The following POLD2 variants were observed in gnomAD, a reference collection of about 807,000 sequenced individuals.
The protein encoded by POLD2 is DNA polymerase delta subunit 2.
A neutral mutation model predicts 48.8 loss-of-function variants in POLD2; 31 were observed. That is an observed-to-expected ratio of 0.64 (90% CI 0.48 to 0.86). POLD2 has a LOEUF of 0.86. POLD2 is among the 40% of genes least tolerant of loss of function. The pLI is 0.00. For synonymous variants in POLD2, 233 were observed against 256.3 expected (o/e 0.91, Z 0.87); for missense variants, 455 against 610.1 (o/e 0.75, Z 2.68).
chr7:44,115,672 G>A, intron 9 of POLD2, 94 bp downstream of exon 9: 3 of 1,367,880 alleles, frequency 2.2e-6, no homozygotes, highest in Non-Finnish European at 2.0e-6. Flanking sequence ...AGCAATGCTG[G>A]CAAGTGCAAA....
chr7:44,123,675 C>G, upstream of POLD2: 1 of 1,370,510 alleles, frequency 7.3e-7, no homozygotes, highest in Non-Finnish European at 9.4e-7. Context: ...CACTGTGCGC[C>G]CAGTCCCTGG....
intron 8 of POLD2, 40 bp from the exon 9 acceptor site, chr7:44,115,933 C>T (rs1050220139): frequency 5.6e-6 from 9 of 1,613,804 alleles, no homozygotes; most frequent in Admixed American, 1.7e-5. Context: ...CTTTGGGTGC[C>T]ACCCATAGTG....
chr7:44,122,127 C>A lies in POLD2; in HGVS notation c.-56-18G>T. ...GAGGTTCACTGCGAAAACACAAAGG[C>A]ATTCCTGCTGCCCCTGTCCATCCCC... On this transcript the variant is annotated intron_variant, in intron 1 of 10. Coordinates refer to ENST00000610533, the MANE Select transcript of POLD2 (RefSeq NM_006230.4). 1 of 1,554,918 alleles carries A rather than the reference C, an allele frequency of 6.4e-7. No homozygotes were observed. Among genetic ancestry groups the A allele is most frequent in the Non-Finnish European group, 8.7e-7 (1 of 1,146,824 alleles).
intron 4 of POLD2, 182 bp from the exon 5 acceptor site, chr7:44,117,429 T>C: frequency 4.0e-6 from 3 of 753,158 alleles, no homozygotes; most frequent in East Asian, 2.7e-5. Context: ...GGGAGACCCA[T>C]CTCCCAGCCA....
chr7:44,117,578 C>G (rs747616641), intron 4 of POLD2, 41 bp downstream of exon 4: 1 of 1,578,778 alleles, frequency 6.3e-7, no homozygotes, highest in South Asian at 1.2e-5. Context: ...CCGCTGGGCT[C>G]TTCACCTGCA....
intron 2 of POLD2, among the ~76,000 whole-genome samples, chr7:44,119,988 C>T (rs147719155): frequency 4.7e-4 from 71 of 150,510 alleles, no homozygotes; most frequent in African/African-American, 1.6e-3. Flanking sequence ...AAAGAGTGTG[C>T]CAAGTGAAGG....
At chr7:44,117,055 G>T (rs763764038) in intron 5 of POLD2, 40 bp from the exon 6 acceptor site, 5 of 1,609,858 alleles carry the variant, frequency 3.1e-6, no homozygotes. Context: ...GCCGAGAAGG[G>T]AGGCAGCCCC....
At chr7:44,123,699 C>A, upstream of POLD2, 3 of 1,351,954 alleles carry the variant, frequency 2.2e-6, no homozygotes, top group East Asian at 3.1e-5. Flanking sequence ...GCCCAGAGAA[C>A]GCGGAGCCAC....
chr7:44,116,619 C>G lies in POLD2; in HGVS notation c.781-109G>C. 9.7e-7 allele frequency: 1 copy of G among 1,032,486 alleles called. No individual in the cohort carries two copies. Among genetic ancestry groups the G allele is most frequent in the Non-Finnish European group, 1.5e-6 (1 of 688,976 alleles). 64.0% of individuals were successfully genotyped at this position (1,032,486 alleles called of 1,614,324 possible). ...AGTTGTTGTCCCATAGACCCTCACT[C>G]CCTTCAAGCCTCCCACCATCCTCAG... On this transcript the variant is annotated intron_variant, in intron 6 of 10. Transcript: ENST00000610533. This position sits in a 1 kb window ranked among gnomAD's most constrained non-coding sequence, Gnocchi z 6.1.
At position 44,116,294 on chromosome 7, in the gene POLD2, G is replaced by A; in HGVS notation, c.862-22C>T. On this transcript the variant is annotated intron_variant, in intron 7 of 10. Transcript: ENST00000610533. The surrounding 1 kb of genome is among the most constrained non-coding windows in gnomAD (Gnocchi z 6.1). ...AGGCCTGGAAGGCACAGGGCAGGGA[G>A]AGCTCACAGGGCCCCGAAGGAGCCC... is the stretch of plus-strand genomic sequence containing the variant. The A allele has an allele frequency of 1.2e-6, 2 of 1,600,008 alleles. No homozygotes were observed. The highest frequency in any genetic ancestry group is 1.1e-5 in the South Asian group (1 of 88,866).
intron 1 of POLD2, chr7:44,122,530 A>C: frequency 4.7e-6 from 4 of 851,620 alleles, no homozygotes; most frequent in Non-Finnish European, 5.7e-6. Flanking sequence ...CCTATTATTA[A>C]ATAATAATAG....
chr7:44,122,263 C>G (rs558777625), intron 1 of POLD2, 154 bp from the exon 2 acceptor site: 10 of 1,423,360 alleles, frequency 7.0e-6, no homozygotes, highest in Non-Finnish European at 9.1e-6. Context: ...TTTATCGTGC[C>G]TGGATACCGA....
At chr7:44,123,285 C>G in intron 1 of POLD2, 1 of 1,362,732 alleles carries the variant, frequency 7.3e-7, no homozygotes, top group Non-Finnish European at 9.4e-7. Flanking sequence ...TCGTTAGGAG[C>G]TTTTGGCTCG....
Position 44,115,722 on chromosome 7 carries a change from C to T in POLD2, c.1147+44G>A, listed in dbSNP as rs774023730. ...CTGTGCACTTCAGGGTCCTGCCAGG[C>T]CTCCTGGCCCTCTGCTCCCACCCTG... On this transcript the variant is annotated intron_variant, in intron 9 of 10. Coordinates refer to ENST00000610533, the MANE Select transcript of POLD2 (RefSeq NM_006230.4). The T allele has an allele frequency of 3.7e-5, 59 of 1,602,408 alleles. No homozygotes were observed. In the South Asian group the frequency reaches 5.9e-4, roughly 16 times the overall value.
intron 5 of POLD2, 37 bp downstream of exon 5, chr7:44,117,096 C>T (rs2096241151): frequency 1.9e-6 from 3 of 1,610,914 alleles, no homozygotes; most frequent in Non-Finnish European, 1.7e-6. Flanking sequence ...TTCCACTGAC[C>T]ATGAGCTGGT....
intron 1 of POLD2, 179 bp downstream of exon 1, chr7:44,123,332 C>T (rs1175057638): frequency 7.3e-7 from 1 of 1,368,348 alleles, no homozygotes; most frequent in Admixed American, 4.0e-5. Flanking sequence ...GGCCGCGCTA[C>T]TCGGGATGGG....
In POLD2 at chr7:44,117,490, C is replaced by T; in HGVS notation, c.466+129G>A. The T allele has an allele frequency of 2.5e-6, 3 of 1,218,500 alleles. No individual in the cohort carries two copies. The South Asian group carries it at 4.4e-5, about 18-fold the overall frequency. The allele number at this position is 1,218,500 out of a possible 1,614,324, so 75.5% of individuals were successfully genotyped here. ...GACCGCCTGGAGCCTCACCTACCTCCTCAAGAACACACGTGTGCCCAGGCC... is the reference window on the plus strand; with the variant it reads ...GACCGCCTGGAGCCTCACCTACCTCTTCAAGAACACACGTGTGCCCAGGCC... On this transcript the variant is annotated intron_variant, in intron 4 of 10. Coordinates refer to ENST00000610533, the MANE Select transcript of POLD2 (RefSeq NM_006230.4).
intron 4 of POLD2, 137 bp downstream of exon 4, chr7:44,117,482 C>T (rs1405621153): frequency 1.8e-6 from 2 of 1,137,456 alleles, no homozygotes; most frequent in East Asian, 2.6e-5. Context: ...TGGAGCCTCA[C>T]CTACCTCCTC....
At position 44,116,286 on chromosome 7, in the gene POLD2, G is replaced by A. The variant is rs1459330714; in HGVS notation, c.862-14C>T. ...GGGCACTGAGGCCTGGAAGGCACAG[G>A]GCAGGGAGAGCTCACAGGGCCCCGA... is the stretch of plus-strand genomic sequence containing the variant. On this transcript the variant is annotated splice_polypyrimidine_tract_variant and intron_variant, in intron 7 of 10. Coordinates refer to ENST00000610533, the MANE Select transcript of POLD2 (RefSeq NM_006230.4). The surrounding 1 kb of genome is among the most constrained non-coding windows in gnomAD (Gnocchi z 6.1). 7 of 1,601,988 alleles carry A rather than the reference G, an allele frequency of 4.4e-6. No individual in the cohort carries two copies. Among genetic ancestry groups the A allele is most frequent in the Non-Finnish European group, 6.0e-6 (7 of 1,172,846 alleles).
Sources: allele counts gnomAD v4.1 joint callset (sites outside exome capture counted in the v4.1 genomes callset), GRCh38; gene constraint gnomAD v4.1.1; non-coding constraint Gnocchi (gnomAD v3.1); transcripts MANE v1.5; gene names NCBI Gene and HGNC (gene_info 2026-07-23, HGNC 2026-07-21).